ADH7: variants seen among roughly 807,000 people sequenced by gnomAD.
ADH7 encodes all-trans-retinol dehydrogenase [NAD(+)] ADH7.
Under a neutral mutation model 34.4 loss-of-function variants are expected in ADH7, and 41 were observed. The ratio of observed to expected loss-of-function variants is 1.19; its 90% CI spans 0.93 to 1.55. The LOEUF (loss-of-function observed/expected upper bound fraction) is 1.55, where lower values mean the gene tolerates loss of function less well. Among genes scored for constraint, ADH7 ranks in the 40% most tolerant of loss-of-function variants. ADH7 has a pLI of 0.00. For missense variants in ADH7, 540 were observed against 461.2 expected (o/e 1.17, Z -1.56); for synonymous variants, 180 against 160.9 (o/e 1.12, Z -0.90).
At chr4:99,432,267 G>A (rs1721952722) in intron 1 of ADH7, among the ~76,000 whole-genome samples, 1 of 152,102 alleles carries the variant, frequency 6.6e-6, no homozygotes, top group Non-Finnish European at 1.5e-5. Flanking sequence ...TAAATATTGA[G>A]TACCTATGGA....
intron 1 of ADH7, 63 bp from the exon 2 acceptor site, chr4:99,429,696 C>T (rs1721897318): frequency 8.5e-7 from 1 of 1,171,716 alleles, no homozygotes; most frequent in African/African-American, 1.5e-5. Flanking sequence ...GACTCCCTGA[C>T]TAGTATAAAT....
chr4:99,417,175 T>A (rs1406103199), intron 7 of ADH7, among the ~76,000 whole-genome samples: 1 of 152,064 alleles, frequency 6.6e-6, no homozygotes, highest in Non-Finnish European at 1.5e-5. Flanking sequence ...AGTGTTAAAA[T>A]GGAAGTCAGA....
intron 1 of ADH7, among the ~76,000 whole-genome samples, chr4:99,430,658 T>A (rs963741967): frequency 4.6e-5 from 7 of 152,194 alleles, no homozygotes; most frequent in African/African-American, 1.7e-4. Context: ...AAGCCATCAG[T>A]AGCTCAATTT....
chr4:99,428,708 A>G, intron 2 of ADH7, 78 bp from the exon 3 acceptor site: 3 of 1,500,658 alleles, frequency 2.0e-6, no homozygotes, highest in Middle Eastern at 1.8e-4. Context: ...AACTTCTTGA[A>G]GAAATTATAA....
chr4:99,433,115 G>T (rs1721974687), intron 1 of ADH7, among the ~76,000 whole-genome samples: 1 of 152,122 alleles, frequency 6.6e-6, no homozygotes, highest in South Asian at 2.1e-4. Flanking sequence ...GGATGTTGTG[G>T]CATGTTTACC....
Position 99,420,646 on chromosome 4 carries a change from T to A in ADH7, c.712A>T (p.Thr238Ser). The change falls in exon 6 of 9, where the codon ACT (threonine) becomes TCT (serine). Residue 238 changes from threonine to serine, a missense_variant. Physicochemically the swap from Thr to Ser is moderately conservative, Grantham distance 58. Transcript: ENST00000437033. ...GAGTCCTTGGGACTGATACACTCAGTGGCACCTACAGCCATGGCCTTCTCA... is the reference window on the plus strand; with the variant it reads ...GAGTCCTTGGGACTGATACACTCAGAGGCACCTACAGCCATGGCCTTCTCA... Reference protein sequence around the residue: ...KFEKAMAVGATECISPKDSTK... With the variant: ...KFEKAMAVGASECISPKDSTK... The A allele has an allele frequency of 1.2e-6, 2 of 1,613,956 alleles. No homozygotes were observed.
intron 5 of ADH7, among the ~76,000 whole-genome samples, chr4:99,426,032 C>T (rs938696391): frequency 9.2e-5 from 14 of 152,110 alleles, no homozygotes; most frequent in African/African-American, 2.9e-4. Flanking sequence ...ACACAGCATT[C>T]GAGAATCTCT....
chr4:99,422,238 G>C (rs1014969339), intron 5 of ADH7, among the ~76,000 whole-genome samples: 4 of 152,130 alleles, frequency 2.6e-5, no homozygotes, highest in African/African-American at 7.2e-5. Context: ...CAATAGCAAA[G>C]ACTTGGAACT....
intron 7 of ADH7, 143 bp from the exon 8 acceptor site, chr4:99,415,759 T>A: frequency 1.2e-6 from 1 of 842,698 alleles, no homozygotes; most frequent in Non-Finnish European, 1.7e-6. Context: ...AAGCTGTATT[T>A]GTCCCAGCAT....
At position 99,428,571 on chromosome 4, in the gene ADH7, G is replaced by T. The variant is rs762156119; in HGVS notation, c.180C>A (p.Ser60=). Reference sequence around the variant, plus strand: ...CATGTCCCACAATCACTGGAAACTTGGACACCATTGTTCCTTTTATCACAT... The same window carrying T: ...CATGTCCCACAATCACTGGAAACTTTGACACCATTGTTCCTTTTATCACAT... ...DDHVIKGTMV[S]KFPVIVGHEA... Residue 60 remains serine (S), a synonymous_variant, in exon 3 of 9, where the codon TCC becomes TCA. Coordinates refer to ENST00000437033, the MANE Select transcript of ADH7 (RefSeq NM_000673.7). 3 of 1,613,862 alleles carry T rather than the reference G, an allele frequency of 1.9e-6. No homozygotes were observed. The highest frequency in any genetic ancestry group is 1.7e-6 in the Non-Finnish European group (2 of 1,179,862).
intron 8 of ADH7, 73 bp from the exon 9 acceptor site, chr4:99,413,245 C>T: frequency 1.3e-6 from 2 of 1,518,894 alleles, no homozygotes; most frequent in Non-Finnish European, 1.8e-6. Context: ...AAACAATTGT[C>T]CTTTCTATCT....
intron 1 of ADH7, among the ~76,000 whole-genome samples, chr4:99,434,028 T>G (rs186068419): frequency 4.4e-4 from 67 of 152,282 alleles, no homozygotes; most frequent in Admixed American, 4.1e-3. Flanking sequence ...CACTATTGCA[T>G]GACCATATAT....
intron 7 of ADH7, 108 bp downstream of exon 7, chr4:99,418,878 C>G: frequency 3.7e-6 from 5 of 1,340,938 alleles, no homozygotes; most frequent in African/African-American, 1.5e-5. Context: ...TTTTAGATCA[C>G]TTCATACTCA....
chr4:99,420,793 C>A lies in ADH7; in HGVS notation c.565G>T (p.Val189Phe). The change falls in exon 6 of 9, where the codon GTC becomes TTC. Residue 189 changes from valine (V) to phenylalanine (F), a missense_variant and splice_region_variant. Coordinates refer to ENST00000437033, the MANE Select transcript of ADH7 (RefSeq NM_000673.7). ...GYGAAVKTGK[V>F]KPGSTCVVFG... ...ACGACGCAAGTGGAACCAGGTTTGACCTGTGGAGAGGAATGTTCTTGAACA... is the reference window on the plus strand; with the variant it reads ...ACGACGCAAGTGGAACCAGGTTTGAACTGTGGAGAGGAATGTTCTTGAACA... 1 of 1,613,656 alleles carries A rather than the reference C, an allele frequency of 6.2e-7. No homozygotes were observed. The highest frequency in any genetic ancestry group is 8.5e-7 in the Non-Finnish European group (1 of 1,179,808).
At position 99,427,875 on chromosome 4, in the gene ADH7, T is replaced by C. The variant is rs368475406; in HGVS notation, c.462A>G (p.Glu154=). ...CATCATCAATCTTAGCAACAGAAGATTCATCCACCACTGTGTACTCGGTAA... is the reference window on the plus strand; with the variant it reads ...CATCATCAATCTTAGCAACAGAAGACTCATCCACCACTGTGTACTCGGTAA... The part of the protein sequence containing the change: ...STFTEYTVVD[E]SSVAKIDDAA... Residue 154 remains glutamate (E), a synonymous_variant, in exon 5 of 9, where the codon GAA becomes GAG. Transcript: ENST00000437033. The C allele has an allele frequency of 6.2e-7, 1 of 1,613,692 alleles. No individual in the cohort carries two copies. The highest frequency in any genetic ancestry group is 2.2e-5 in the East Asian group (1 of 44,872).
chr4:99,435,014 A>G (rs1210227189), intron 1 of ADH7: 8 of 1,524,764 alleles, frequency 5.2e-6, no homozygotes, highest in South Asian at 1.2e-5. Flanking sequence ...TGGATATACT[A>G]TTTCCAACTT....
chr4:99,414,560 A>G (rs557972723), intron 8 of ADH7, among the ~76,000 whole-genome samples: 24 of 152,276 alleles, frequency 1.6e-4, no homozygotes, highest in Middle Eastern at 3.4e-3. Flanking sequence ...CTCAGAAGCA[A>G]CAAGAGTAGT....
intron 1 of ADH7, among the ~76,000 whole-genome samples, chr4:99,431,549 G>T (rs192865165): frequency 6.6e-6 from 1 of 152,242 alleles, no homozygotes; most frequent in East Asian, 1.9e-4. Context: ...TAGAAGTGGA[G>T]AAAATATTTG....
chr4:99,428,528 C>G lies in ADH7; in HGVS notation c.223G>C (p.Glu75Gln). 2 of 1,613,888 alleles carry G rather than the reference C, an allele frequency of 1.2e-6. No homozygotes were observed. Among genetic ancestry groups the G allele is most frequent in the East Asian group, 2.2e-5 (1 of 44,868 alleles). Residue 75 changes from glutamate to glutamine, a missense_variant, in exon 3 of 9, where the codon GAG (glutamate) becomes CAG (glutamine). Coordinates refer to ENST00000437033, the MANE Select transcript of ADH7 (RefSeq NM_000673.7). ...GTAGTCACTCCTTCTCCAATGCTCT[C>G]TACAATCCCAGTTGCCTCATGTCCC... ...IVGHEATGIV[E>Q]SIGEGVTTVK...
Sources: gnomAD v4.1 joint callset for allele counts (sites outside exome capture counted in the v4.1 genomes callset) on GRCh38, gnomAD v4.1.1 for gene constraint, MANE v1.5 for transcripts, NCBI Gene and HGNC (gene_info 2026-07-23, HGNC 2026-07-21) for gene names.